The following GPHN variants were observed in gnomAD, a reference collection of about 807,000 sequenced individuals.
GPHN encodes gephyrin.
A neutral mutation model predicts 95.5 loss-of-function variants in GPHN; 17 were observed. The observed-to-expected ratio is 0.18, with a 90% CI of 0.12 to 0.27. GPHN has a LOEUF of 0.27. Ranked by LOEUF, GPHN falls within the 10% of genes least tolerant of loss-of-function variation. The probability of loss-of-function intolerance (pLI) is 1.00; values close to 1 mark genes in which losing one functional copy is unlikely to be tolerated. For synonymous variants in GPHN, 320 were observed against 322.5 expected, an observed-to-expected ratio of 0.99 and a Z score of 0.08; for missense variants, 660 against 978.1, an observed-to-expected ratio of 0.67 and a Z score of 4.34.
At chr14:66,922,192 A>G (rs927862236) in intron 6 of GPHN, among the ~76,000 whole-genome samples, 1 of 152,112 alleles carries the variant, frequency 6.6e-6, no homozygotes, top group Non-Finnish European at 1.5e-5. Flanking sequence ...AATTGCAATA[A>G]AAACAAAGAT....
chr14:67,404,611 A>C, the GPHN span, among the ~76,000 whole-genome samples: 1 of 152,030 alleles, frequency 6.6e-6, no homozygotes, highest in Admixed American at 6.6e-5. Context: ...GGACTTCAAG[A>C]CCAGCTTGGA....
At chr14:67,690,916 G>A in the GPHN span, 2 of 539,768 alleles carry the variant, frequency 3.7e-6, no homozygotes, top group South Asian at 4.8e-5. Flanking sequence ...GTTAAAAAAT[G>A]CGCCAAGGCA....
intron 9 of GPHN, among the ~76,000 whole-genome samples, chr14:66,979,668 A>G (rs753559341): frequency 6.6e-6 from 1 of 152,202 alleles, no homozygotes; most frequent in Admixed American, 6.5e-5. Context: ...CTTCTCATTC[A>G]TATGTTCACT....
chr14:67,584,155 C>T, the GPHN span: 4 of 1,604,638 alleles, frequency 2.5e-6, no homozygotes, highest in Admixed American at 1.7e-5. Context: ...CTGCCCACAC[C>T]CTTAGGTGTG....
At chr14:67,025,817 G>A (rs1223802559) in intron 10 of GPHN, among the ~76,000 whole-genome samples, 1 of 152,104 alleles carries the variant, frequency 6.6e-6, no homozygotes, top group Admixed American at 6.6e-5. Context: ...GCCATTATAT[G>A]ACTTAACCAA....
At chr14:67,036,540 C>CACACACACACACACAG (rs946760546) in intron 10 of GPHN, among the ~76,000 whole-genome samples, 32 of 148,220 alleles carry the variant, frequency 2.2e-4, no homozygotes, top group Non-Finnish European at 3.9e-4. Context: ...CACACACACA[C>CACACACACACACACAG]AGAGAAACAC....
the GPHN span, chr14:67,729,626 C>G: frequency 1.6e-6 from 1 of 621,890 alleles, no homozygotes; most frequent in African/African-American, 1.8e-5. Flanking sequence ...AACTTTGCAG[C>G]TTTCTGAAAG....
intron 1 of GPHN, among the ~76,000 whole-genome samples, chr14:66,602,193 G>T (rs2062282772): frequency 6.6e-6 from 1 of 151,912 alleles, no homozygotes; most frequent in African/African-American, 2.4e-5. Context: ...AAATATTGTA[G>T]ATTGTGTTGA....
At chr14:67,039,541 C>G (rs1444580899) in intron 10 of GPHN, among the ~76,000 whole-genome samples, 2 of 152,194 alleles carry the variant, frequency 1.3e-5, no homozygotes, top group African/African-American at 4.8e-5. Flanking sequence ...TGCCTGTAAT[C>G]CCAGCACTTT....
chr14:66,776,425 A>G (rs372077174), intron 2 of GPHN, 39 bp from the exon 3 acceptor site: 268 of 1,162,102 alleles, frequency 2.3e-4, no homozygotes, highest in Non-Finnish European at 3.2e-4. Flanking sequence ...TTTAAACACT[A>G]TTGCTGGTTT....
intron 4 of GPHN, among the ~76,000 whole-genome samples, chr14:66,848,003 A>G (rs978776956): frequency 6.6e-6 from 1 of 152,004 alleles, no homozygotes; most frequent in Non-Finnish European, 1.5e-5. Context: ...TCCTTTTTTC[A>G]CATGTAACAA....
chr14:67,327,979 A>G, the GPHN span, among the ~76,000 whole-genome samples: 1 of 152,200 alleles, frequency 6.6e-6, no homozygotes, highest in Non-Finnish European at 1.5e-5. Flanking sequence ...ATGATTTATA[A>G]TCCTTTGGGT....
chr14:67,600,977 C>G, the GPHN span, among the ~76,000 whole-genome samples: 6 of 152,230 alleles, frequency 3.9e-5, no homozygotes, highest in Non-Finnish European at 7.3e-5. Flanking sequence ...TTCACTTACT[C>G]TTTTCCTGTG....
chr14:66,513,025 TGAAAG>T (rs2058098834), intron 1 of GPHN, among the ~76,000 whole-genome samples: 1 of 151,762 alleles, frequency 6.6e-6, no homozygotes, highest in Non-Finnish European at 1.5e-5. Flanking sequence ...CTATATGACT[TGAAAG>T]GAATCCTATT....
the GPHN span, chr14:67,347,264 A>G: frequency 1.6e-6 from 1 of 637,086 alleles, no homozygotes; most frequent in Middle Eastern, 4.0e-4. Flanking sequence ...TAACTGATCA[A>G]CTATTGTCCT....
At chr14:66,809,374 A>AATG (rs1380520774) in intron 3 of GPHN, among the ~76,000 whole-genome samples, 4 of 152,114 alleles carry the variant, frequency 2.6e-5, no homozygotes, top group African/African-American at 9.7e-5. Context: ...TAATAATAAT[A>AATG]ATAATAAAAC....
the GPHN span, among the ~76,000 whole-genome samples, chr14:67,306,705 G>A: frequency 6.6e-6 from 1 of 152,050 alleles, no homozygotes; most frequent in Admixed American, 6.6e-5. Context: ...ACTCTCAATT[G>A]CAATATATCT....
At chr14:67,047,673 T>G (rs1427517299) in intron 10 of GPHN, among the ~76,000 whole-genome samples, 1 of 152,126 alleles carries the variant, frequency 6.6e-6, no homozygotes, top group Non-Finnish European at 1.5e-5. Context: ...ACCCATTTCC[T>G]TTTCATTTTA....
chr14:67,272,604 A>G, the GPHN span, among the ~76,000 whole-genome samples: 1 of 151,748 alleles, frequency 6.6e-6, no homozygotes, highest in African/African-American at 2.4e-5. Flanking sequence ...TCTCTTATTC[A>G]CTTTTTGCCC....
Sources: gnomAD v4.1 joint callset for allele counts (sites outside exome capture counted in the v4.1 genomes callset) on GRCh38, gnomAD v4.1.1 for gene constraint, MANE v1.5 for transcripts, NCBI Gene and HGNC (gene_info 2026-07-23, HGNC 2026-07-21) for gene names.